Variants in HMGB1 observed in about 807,000 individuals in gnomAD.
The protein encoded by HMGB1 is high mobility group box 1, also known as high mobility group protein B1.
For missense variants in HMGB1, 79 were observed against 253.5 expected (o/e 0.31, Z 4.67); for synonymous variants, 81 against 84.0 (o/e 0.96, Z 0.19).
intron 1 of HMGB1, among the ~76,000 whole-genome samples, chr13:30,556,776 T>G (rs1357244148): frequency 1.3e-5 from 2 of 152,244 alleles, no homozygotes; most frequent in African/African-American, 4.8e-5. Flanking sequence ...CAGAGAGATT[T>G]GTTAAAAGAT....
In HMGB1 at chr13:30,573,862, G is replaced by A. The variant is rs368809759; in HGVS notation, c.-15+42809C>T. Among the ~76,000 whole-genome samples the A allele has an allele frequency of 5.9e-5, 9 of 152,160 alleles. No homozygotes were observed. The South Asian group carries it at 8.3e-4, about 14-fold the overall frequency. ...AGAGACGAGGTTTCACCAGGTTGCC[G>A]TGGCTGATCTGGAACTCCTGGTCTC... On this transcript the variant is annotated intron_variant, in intron 1 of 4. Transcript: ENST00000405805.
intron 1 of HMGB1, among the ~76,000 whole-genome samples, chr13:30,497,873 C>A (rs115130084): frequency 0.017 from 2,595 of 152,168 alleles, 45 homozygotes; most frequent in African/African-American, 0.044. Context: ...CATTTAGGTT[C>A]ATTCCATGTC....
At chr13:30,464,160 C>A in intron 1 of HMGB1, 1 of 985,170 alleles carries the variant, frequency 1.0e-6, no homozygotes, top group Non-Finnish European at 1.2e-6. Context: ...AAAAAAATCA[C>A]CGTGCACCGA....
At chr13:30,472,187 G>A (rs111236148) in intron 1 of HMGB1, among the ~76,000 whole-genome samples, 5,495 of 152,198 alleles carry the variant, frequency 0.036, 140 homozygotes, top group African/African-American at 0.068. Context: ...GCTGAAGCAC[G>A]AGAATCACTT....
intron 1 of HMGB1, among the ~76,000 whole-genome samples, chr13:30,582,747 T>C (rs1300907341): frequency 6.6e-6 from 1 of 152,136 alleles, no homozygotes; most frequent in Non-Finnish European, 1.5e-5. Context: ...TGTTATCTAA[T>C]ATAACCCCAC....
At chr13:30,504,806 A>G (rs1887813465) in intron 1 of HMGB1, among the ~76,000 whole-genome samples, 1 of 152,170 alleles carries the variant, frequency 6.6e-6, no homozygotes, top group Non-Finnish European at 1.5e-5. Flanking sequence ...CTGGAGTTGG[A>G]GGTGAGAGAA....
intron 1 of HMGB1, among the ~76,000 whole-genome samples, chr13:30,603,926 T>A (rs986450951): frequency 1.3e-5 from 2 of 152,204 alleles, no homozygotes; most frequent in African/African-American, 4.8e-5. Context: ...ATATTATGGA[T>A]CCACAGTTGG....
chr13:30,495,624 G>A (rs1013101865), intron 1 of HMGB1, among the ~76,000 whole-genome samples: 3 of 151,946 alleles, frequency 2.0e-5, no homozygotes, highest in Admixed American at 6.6e-5. Context: ...GACTACAGGC[G>A]CGTGCCGCCA....
rs774256503 is a variant in HMGB1 at position 30,550,916 on chromosome 13, T to C, written c.-15+65755A>G. ...CAAAACTGATTCTAAACACATCTGA[T>C]AGATTCTAAAAAGTGAAGGTACTTT... On this transcript the variant is annotated intron_variant, in intron 1 of 4. Transcript: ENST00000405805. Among the ~76,000 whole-genome samples, 17 of 152,324 alleles carry C rather than the reference T, an allele frequency of 1.1e-4. No individual in the cohort carries two copies. The East Asian group carries it at 2.7e-3, about 24-fold the overall frequency.
At chr13:30,542,231 TC>T in intron 1 of HMGB1, 1 of 189,224 alleles carries the variant, frequency 5.3e-6, no homozygotes. Context: ...GTTCAATGCT[TC>T]AGCCTCAGGT....
At chr13:30,554,025 G>GA in intron 1 of HMGB1, 2 of 1,476,016 alleles carry the variant, frequency 1.4e-6, no homozygotes, top group South Asian at 2.3e-5. Context: ...TGTGGAGAAA[G>GA]AATCGGTTAA....
intron 1 of HMGB1, among the ~76,000 whole-genome samples, chr13:30,573,289 C>T (rs920191914): frequency 2.0e-5 from 3 of 152,160 alleles, no homozygotes; most frequent in Admixed American, 6.5e-5. Context: ...GACAGAAACA[C>T]ATTCTTAGAA....
intron 1 of HMGB1, chr13:30,464,761 TTGTGTGTGTGTG>T (rs376284891): frequency 3.0e-5 from 5 of 164,398 alleles, no homozygotes; most frequent in Non-Finnish European, 4.5e-5. Context: ...CTCCTTCCCT[TTGTGTGTGTGTG>T]TGTGTGTGTG....
At chr13:30,534,195 T>G (rs528104586) in intron 1 of HMGB1, among the ~76,000 whole-genome samples, 73 of 152,312 alleles carry the variant, frequency 4.8e-4, no homozygotes, top group African/African-American at 1.7e-3. Flanking sequence ...GGTGAACATG[T>G]GAAAAAGATG....
At chr13:30,521,695 T>G (rs921074869) in intron 1 of HMGB1, among the ~76,000 whole-genome samples, 1 of 152,376 alleles carries the variant, frequency 6.6e-6, no homozygotes, top group South Asian at 2.1e-4. Flanking sequence ...CAAGATTTTG[T>G]GTAGATACGT....
At chr13:30,554,369 G>A (rs1869579392) in intron 1 of HMGB1, 1 of 846,294 alleles carries the variant, frequency 1.2e-6, no homozygotes, top group South Asian at 1.3e-5. Context: ...CGCTTGTCTT[G>A]TTTTGATGGG....
intron 1 of HMGB1, among the ~76,000 whole-genome samples, chr13:30,523,537 A>G (rs1217185471): frequency 6.8e-6 from 1 of 147,444 alleles, no homozygotes; most frequent in Non-Finnish European, 1.5e-5. Flanking sequence ...TTTTTTTTTC[A>G]GGATTTGTCC....
intron 1 of HMGB1, among the ~76,000 whole-genome samples, chr13:30,588,429 T>C (rs1871243073): frequency 6.6e-6 from 1 of 151,978 alleles, no homozygotes; most frequent in Non-Finnish European, 1.5e-5. Context: ...ATACAATATA[T>C]GTAAAAACTC....
upstream of HMGB1, among the ~76,000 whole-genome samples, chr13:30,467,042 T>A (rs1886808336): frequency 6.6e-6 from 1 of 152,240 alleles, no homozygotes; most frequent in Non-Finnish European, 1.5e-5. Flanking sequence ...GGCTGTGGTT[T>A]CTCTAACTCA....
Sources: allele counts gnomAD v4.1 joint callset (sites outside exome capture counted in the v4.1 genomes callset), GRCh38; gene constraint gnomAD v4.1.1; transcripts MANE v1.5; gene names NCBI Gene and HGNC (gene_info 2026-07-23, HGNC 2026-07-21).